The following MTUS2 variants were observed in gnomAD, a reference collection of about 807,000 sequenced individuals.
The protein encoded by MTUS2 is microtubule associated scaffold protein 2.
Under a neutral mutation model 114.1 loss-of-function variants are expected in MTUS2, and 40 were observed. The observed-to-expected ratio is 0.35, with a 90% CI of 0.27 to 0.46. The LOEUF (loss-of-function observed/expected upper bound fraction) is 0.46, where lower values mean the gene tolerates loss of function less well. Ranked by LOEUF, MTUS2 falls within the 20% of genes least tolerant of loss-of-function variation. The pLI is 1.00. For synonymous variants in MTUS2, 688 were observed against 672.0 expected, an observed-to-expected ratio of 1.02 and a Z score of -0.37; for missense variants, 1,679 against 1,705.4, an observed-to-expected ratio of 0.98 and a Z score of 0.27.
intron 8 of MTUS2, among the ~76,000 whole-genome samples, chr13:29,369,115 C>CA (rs1870984764): frequency 7.0e-6 from 1 of 143,660 alleles, no homozygotes; most frequent in Non-Finnish European, 1.6e-5. Flanking sequence ...TACCAGGCAG[C>CA]GGGAAAAAAA....
rs374038664 is a variant in MTUS2 at position 28,928,815 on chromosome 13, G to A, written c.-243+88965G>A. ...GGCAGCATTATTCACAAAAACCAAA[G>A]TATGGAATCAACCTAAGTGCCTACT... On this transcript the variant is annotated intron_variant, in intron 2 of 15. Coordinates refer to ENST00000612955, the MANE Select transcript of MTUS2 (RefSeq NM_001033602.4). 2.0e-5 allele frequency among the ~76,000 whole-genome samples: 3 copies of A among 152,246 alleles called. 1 individual carries two copies. The highest frequency in any genetic ancestry group is 7.2e-5 in the African/African-American group (3 of 41,554).
intron 11 of MTUS2, among the ~76,000 whole-genome samples, chr13:29,490,833 A>G (rs1016594128): frequency 6.6e-6 from 1 of 152,280 alleles, no homozygotes; most frequent in African/African-American, 2.4e-5. Flanking sequence ...CGCAGTGGGA[A>G]GGAAGAGTGA....
chr13:29,203,949 C>T (rs566383670), intron 5 of MTUS2, among the ~76,000 whole-genome samples: 95 of 151,414 alleles, frequency 6.3e-4, no homozygotes, highest in African/African-American at 2.2e-3. Context: ...TGGGAGTTAC[C>T]GAAGCTGTTA....
intron 6 of MTUS2, among the ~76,000 whole-genome samples, chr13:29,322,960 G>A (rs548154528): frequency 6.6e-6 from 1 of 152,308 alleles, no homozygotes; most frequent in Admixed American, 6.5e-5. Context: ...AGACTTCAGT[G>A]TCAGTAGGGC....
intron 8 of MTUS2, among the ~76,000 whole-genome samples, chr13:29,389,569 A>G (rs201265969): frequency 0.5 from 24,585 of 49,174 alleles, 4,821 homozygotes; most frequent in Non-Finnish European, 0.62. Context: ...GTATATGTGT[A>G]CATATGTGTG....
chr13:29,415,152 T>G (rs1213074350), intron 8 of MTUS2, among the ~76,000 whole-genome samples: 1 of 152,068 alleles, frequency 6.6e-6, no homozygotes, highest in Non-Finnish European at 1.5e-5. Context: ...TTGTGTTCAG[T>G]ATGTTGTTTG....
At chr13:29,499,419 AT>A (rs1882749892) in intron 14 of MTUS2, among the ~76,000 whole-genome samples, 1 of 152,166 alleles carries the variant, frequency 6.6e-6, no homozygotes, top group African/African-American at 2.4e-5. Flanking sequence ...TCAGATTCTT[AT>A]TTTTTCCCTT....
chr13:29,003,574 G>C (rs1203843022), intron 2 of MTUS2, among the ~76,000 whole-genome samples: 1 of 152,130 alleles, frequency 6.6e-6, no homozygotes, highest in Non-Finnish European at 1.5e-5. Flanking sequence ...TCTCTAATTC[G>C]ACATATCTAG....
intron 5 of MTUS2, among the ~76,000 whole-genome samples, chr13:29,142,497 A>G (rs1434053001): frequency 6.6e-6 from 1 of 152,156 alleles, no homozygotes; most frequent in Admixed American, 6.5e-5. Flanking sequence ...TGAGGTCAGG[A>G]GTTTGAGACC....
At chr13:29,156,607 T>G (rs1892870989) in intron 5 of MTUS2, among the ~76,000 whole-genome samples, 1 of 152,172 alleles carries the variant, frequency 6.6e-6, no homozygotes, top group South Asian at 2.1e-4. Flanking sequence ...TCTCTGAGCT[T>G]CTTTCGTCAA....
intron 8 of MTUS2, among the ~76,000 whole-genome samples, chr13:29,395,684 G>T (rs1263027804): frequency 2.6e-5 from 4 of 152,192 alleles, no homozygotes; most frequent in Non-Finnish European, 5.9e-5. Flanking sequence ...ACTAGGCTTT[G>T]CTGGACTGCA....
intron 5 of MTUS2, among the ~76,000 whole-genome samples, chr13:29,179,023 T>C (rs1334210535): frequency 6.6e-6 from 1 of 152,246 alleles, no homozygotes; most frequent in Non-Finnish European, 1.5e-5. Flanking sequence ...CACTGTTCAG[T>C]TACAGAAAAC....
At chr13:29,148,456 T>C (rs1410608792) in intron 5 of MTUS2, among the ~76,000 whole-genome samples, 4 of 149,680 alleles carry the variant, frequency 2.7e-5, no homozygotes, top group African/African-American at 9.8e-5. Context: ...AGTGAGAACA[T>C]GCTGTGTTTG....
intron 5 of MTUS2, among the ~76,000 whole-genome samples, chr13:29,133,041 T>C (rs1267745836): frequency 1.3e-5 from 2 of 152,084 alleles, no homozygotes; most frequent in African/African-American, 2.4e-5. Flanking sequence ...TTTTTTTTTT[T>C]CTTAATAGTA....
intron 9 of MTUS2, among the ~76,000 whole-genome samples, chr13:29,457,936 TAGAG>T (rs1324968395): frequency 6.6e-6 from 1 of 152,192 alleles, no homozygotes; most frequent in Non-Finnish European, 1.5e-5. Context: ...AGATTTTTAG[TAGAG>T]AGAAGGTTTC....
intron 5 of MTUS2, among the ~76,000 whole-genome samples, chr13:29,129,598 G>A (rs1891669301): frequency 6.6e-6 from 1 of 151,346 alleles, no homozygotes; most frequent in Non-Finnish European, 1.5e-5. Flanking sequence ...ATATTTATGG[G>A]GTACGTGTGA....
rs969527604 is a variant in MTUS2, at chr13:29,025,905, T to C, written c.1207T>C (p.Leu403=). The C allele has an allele frequency of 1.2e-6, 2 of 1,613,536 alleles. No individual in the cohort carries two copies. Among genetic ancestry groups the C allele is most frequent in the African/African-American group, 2.7e-5 (2 of 74,928 alleles). ...HTTPKQGSAS[L]GGADNQPTGK... is the part of the protein sequence containing the mutation. ...CACCCCCAAACAGGGCTCTGCTTCC[T>C]TAGGAGGGGCTGATAATCAGCCCAC... The change falls in exon 3 of 16, where the codon TTA becomes CTA. Residue 403 remains leucine (L), a synonymous_variant. Transcript: ENST00000612955.
intron 2 of MTUS2, among the ~76,000 whole-genome samples, chr13:28,846,380 A>C (rs1051995993): frequency 5.3e-5 from 8 of 152,238 alleles, no homozygotes; most frequent in African/African-American, 1.9e-4. Context: ...TTGGCTAATT[A>C]TAAGTTCTAA....
chr13:29,344,176 GTA>G (rs1462567029), intron 7 of MTUS2, among the ~76,000 whole-genome samples: 2 of 152,046 alleles, frequency 1.3e-5, no homozygotes, highest in African/African-American at 4.8e-5. Flanking sequence ...TTTTTCTAGG[GTA>G]TAGTGTAAGT....
Sources: gnomAD v4.1 joint callset for allele counts (sites outside exome capture counted in the v4.1 genomes callset) on GRCh38, gnomAD v4.1.1 for gene constraint, MANE v1.5 for transcripts, NCBI Gene and HGNC (gene_info 2026-07-23, HGNC 2026-07-21) for gene names.